Variants in NDUFAF2 observed in about 807,000 individuals in gnomAD.
The protein encoded by NDUFAF2 is NADH dehydrogenase [ubiquinone] 1 alpha subcomplex assembly factor 2.
A neutral mutation model predicts 22.8 loss-of-function variants in NDUFAF2; 13 were observed. The observed-to-expected ratio is 0.57, with a 90% CI of 0.37 to 0.91. The LOEUF (loss-of-function observed/expected upper bound fraction) is 0.91, where lower values mean the gene tolerates loss of function less well. Among genes scored for constraint, NDUFAF2 ranks in the 40% least tolerant of loss-of-function variants. NDUFAF2 has a pLI of 0.01. For synonymous variants in NDUFAF2, 53 were observed against 64.2 expected, an observed-to-expected ratio of 0.83 and a Z score of 0.84; for missense variants, 162 against 195.2, an observed-to-expected ratio of 0.83 and a Z score of 1.01.
intron 2 of NDUFAF2, among the ~76,000 whole-genome samples, chr5:61,076,526 A>C (rs566656153): frequency 2.0e-5 from 3 of 152,372 alleles, no homozygotes; most frequent in South Asian, 4.1e-4. Context: ...CAGATGTTTG[A>C]AAAACAGCAA....
intron 3 of NDUFAF2, among the ~76,000 whole-genome samples, chr5:61,127,667 A>T (rs1371274542): frequency 2.0e-5 from 3 of 152,298 alleles, no homozygotes; most frequent in Admixed American, 1.3e-4. Flanking sequence ...GCTATTTATG[A>T]CAAACCCACA....
chr5:61,001,426 G>C (rs950324813), intron 1 of NDUFAF2, among the ~76,000 whole-genome samples: 4 of 152,080 alleles, frequency 2.6e-5, no homozygotes, highest in Admixed American at 2.6e-4. Context: ...AATGTATATA[G>C]ACTCATAGTT....
At chr5:61,017,665 C>T (rs1448138496) in intron 1 of NDUFAF2, among the ~76,000 whole-genome samples, 1 of 152,118 alleles carries the variant, frequency 6.6e-6, no homozygotes, top group Non-Finnish European at 1.5e-5. Flanking sequence ...GTGAAACACA[C>T]AGGCAGGAGT....
At chr5:61,118,533 G>T (rs1752940148) in intron 3 of NDUFAF2, among the ~76,000 whole-genome samples, 1 of 152,078 alleles carries the variant, frequency 6.6e-6, no homozygotes, top group Non-Finnish European at 1.5e-5. Flanking sequence ...GTCAGATTTG[G>T]CTGGTTGAGT....
chr5:60,955,261 G>A (rs145372579), intron 1 of NDUFAF2, among the ~76,000 whole-genome samples: 24 of 152,222 alleles, frequency 1.6e-4, no homozygotes, highest in African/African-American at 3.6e-4. Context: ...TGAGATAAGC[G>A]TCCAATTTCA....
chr5:61,096,982 AC>A (rs1752652340), intron 2 of NDUFAF2, among the ~76,000 whole-genome samples: 1 of 152,138 alleles, frequency 6.6e-6, no homozygotes, highest in Non-Finnish European at 1.5e-5. Flanking sequence ...AAAGAAGGAA[AC>A]AGAATGCAGA....
At chr5:61,085,027 G>C (rs1247822131) in intron 2 of NDUFAF2, among the ~76,000 whole-genome samples, 1 of 152,186 alleles carries the variant, frequency 6.6e-6, no homozygotes, top group East Asian at 1.9e-4. Context: ...CAGAAATGTG[G>C]GAGATAGGAA....
At chr5:61,082,731 A>G (rs925623911) in intron 2 of NDUFAF2, among the ~76,000 whole-genome samples, 3 of 152,186 alleles carry the variant, frequency 2.0e-5, no homozygotes, top group African/African-American at 7.2e-5. Flanking sequence ...ATACTATTCC[A>G]TGGTGTATAT....
chr5:61,150,378 A>T (rs1741213640), intron 3 of NDUFAF2, among the ~76,000 whole-genome samples: 1 of 152,214 alleles, frequency 6.6e-6, no homozygotes, highest in African/African-American at 2.4e-5. Context: ...GAAAAACTAT[A>T]GTCTCCATAT....
intron 1 of NDUFAF2, among the ~76,000 whole-genome samples, chr5:61,056,801 A>C (rs1312165454): frequency 6.8e-6 from 1 of 147,094 alleles, no homozygotes; most frequent in Non-Finnish European, 1.5e-5. Flanking sequence ...AGGCATGAGA[A>C]TCGCTTGAAC....
At chr5:61,078,680 G>A (rs916159320) in intron 2 of NDUFAF2, among the ~76,000 whole-genome samples, 1 of 152,126 alleles carries the variant, frequency 6.6e-6, no homozygotes, top group Non-Finnish European at 1.5e-5. Flanking sequence ...GGCAGAGGTT[G>A]CAGTGAGCTG....
At chr5:61,110,036 T>C (rs906038976) in intron 3 of NDUFAF2, among the ~76,000 whole-genome samples, 2 of 152,178 alleles carry the variant, frequency 1.3e-5, no homozygotes, top group Admixed American at 1.3e-4. Context: ...GGATGTTGAA[T>C]TTTATCAAAT....
intron 1 of NDUFAF2, among the ~76,000 whole-genome samples, chr5:60,996,071 A>T (rs1318182860): frequency 6.6e-6 from 1 of 152,114 alleles, no homozygotes; most frequent in East Asian, 1.9e-4. Context: ...GGGTAGGTCT[A>T]AAAATGCCAT....
At chr5:60,984,110 C>G (rs1580079542) in intron 1 of NDUFAF2, among the ~76,000 whole-genome samples, 1 of 152,262 alleles carries the variant, frequency 6.6e-6, no homozygotes. Flanking sequence ...TGAAGAGGTC[C>G]TTCACGTCCC....
intron 2 of NDUFAF2, among the ~76,000 whole-genome samples, chr5:61,075,854 A>G (rs976615135): frequency 6.6e-6 from 1 of 152,196 alleles, no homozygotes; most frequent in Non-Finnish European, 1.5e-5. Context: ...TGGGACCTGC[A>G]AGTTGCATAT....
At chr5:61,139,243 G>C (rs1282847959) in intron 3 of NDUFAF2, among the ~76,000 whole-genome samples, 3 of 152,204 alleles carry the variant, frequency 2.0e-5, no homozygotes, top group Non-Finnish European at 4.4e-5. Context: ...GTAGAGTGTG[G>C]ATTGTCTACC....
chr5:61,054,391 G>C (rs754011167), intron 1 of NDUFAF2, among the ~76,000 whole-genome samples: 22 of 152,088 alleles, frequency 1.4e-4, no homozygotes, highest in Non-Finnish European at 2.8e-4. Context: ...GGAGAGGTGG[G>C]TGTCATAAAC....
intron 1 of NDUFAF2, among the ~76,000 whole-genome samples, chr5:60,990,202 G>T (rs1751140272): frequency 2.0e-5 from 3 of 151,996 alleles, no homozygotes; most frequent in African/African-American, 7.2e-5. Context: ...AAAATATACA[G>T]AATGACTAGG....
At chr5:61,055,778 A>G (rs927352210) in intron 1 of NDUFAF2, among the ~76,000 whole-genome samples, 1 of 152,230 alleles carries the variant, frequency 6.6e-6, no homozygotes, top group Admixed American at 6.5e-5. Flanking sequence ...GTAGTATAGG[A>G]GGTGATTATG....
Sources: allele counts gnomAD v4.1 joint callset (sites outside exome capture counted in the v4.1 genomes callset), GRCh38; gene constraint gnomAD v4.1.1; transcripts MANE v1.5; gene names NCBI Gene and HGNC (gene_info 2026-07-23, HGNC 2026-07-21).